Variants in BSN observed in about 807,000 individuals in gnomAD.
BSN encodes protein bassoon.
A neutral mutation model predicts 264.8 loss-of-function variants in BSN; 57 were observed. That is an observed-to-expected ratio of 0.22 (90% CI 0.17 to 0.27). The LOEUF (loss-of-function observed/expected upper bound fraction) is 0.27. Ranked by LOEUF, BSN falls within the 10% of genes least tolerant of loss-of-function variation. The pLI is 1.00. For missense variants in BSN, 4,615 were observed against 5,232.5 expected (o/e 0.88, Z 3.64); for synonymous variants, 2,059 against 2,137.3 (o/e 0.96, Z 1.01).
At chr3:49,572,502 A>G (rs934958549) in intron 1 of BSN, among the ~76,000 whole-genome samples, 1 of 152,190 alleles carries the variant, frequency 6.6e-6, no homozygotes, top group African/African-American at 2.4e-5. Context: ...TTGGACAAGA[A>G]TGAGGAATCA....
chr3:49,648,598 C>T (rs905995788), intron 3 of BSN, among the ~76,000 whole-genome samples: 1 of 152,242 alleles, frequency 6.6e-6, no homozygotes, highest in Admixed American at 6.5e-5. Context: ...GGATCAGGCT[C>T]TGTGCTCTCC....
intron 3 of BSN, among the ~76,000 whole-genome samples, chr3:49,645,550 C>A (rs1399387612): frequency 6.6e-6 from 1 of 152,228 alleles, no homozygotes; most frequent in East Asian, 1.9e-4. Flanking sequence ...CGTCCTTATC[C>A]TCCCTTACCC....
chr3:49,598,602 G>A (rs1335799065), intron 1 of BSN, among the ~76,000 whole-genome samples: 1 of 151,954 alleles, frequency 6.6e-6, no homozygotes, highest in East Asian at 1.9e-4. Flanking sequence ...TGGCCTTTTT[G>A]TAAATTCTAG....
intron 1 of BSN, among the ~76,000 whole-genome samples, chr3:49,561,944 A>AT (rs2051714507): frequency 6.6e-6 from 1 of 151,992 alleles, no homozygotes; most frequent in Non-Finnish European, 1.5e-5. Context: ...AGTAGCTGGG[A>AT]TTACAAGTGT....
In BSN at chr3:49,554,713, T is replaced by C. The variant is rs558086035; in HGVS notation, c.111T>C (p.Pro37=). The stretch of plus-strand genomic sequence containing the variant: ...CCGGCCCCGGCGCAGGAAAGCCGCC[T>C]TCAGCACCGGCCGGTGGCGGACAGC... ...PGPGPGAGKP[P]SAPAGGGQLP... is the part of the protein sequence containing the mutation. Residue 37 remains proline, a synonymous_variant, in exon 1 of 12, where the codon CCT becomes CCC. Coordinates refer to ENST00000296452, the MANE Select transcript of BSN (RefSeq NM_003458.4). 1.7e-4 allele frequency: 207 copies of C among 1,195,412 alleles called. 4 individuals are homozygous for C. In the East Asian group the frequency reaches 7.5e-3, roughly 43 times the overall value. The allele number at this position is 1,195,412 out of a possible 1,614,324, so 74.1% of individuals were successfully genotyped here.
At chr3:49,650,435 A>G (rs1575447261) in intron 3 of BSN, among the ~76,000 whole-genome samples, 177 bp from the exon 4 acceptor site, 1 of 152,178 alleles carries the variant, frequency 6.6e-6, no homozygotes, top group African/African-American at 2.4e-5. Flanking sequence ...TCTTAAAGGT[A>G]GGGGAATTTG....
At position 49,580,162 on chromosome 3, in the gene BSN, A is replaced by G. The variant is rs552416371; in HGVS notation, c.224+25336A>G. On this transcript the variant is annotated intron_variant, in intron 1 of 11. Transcript: ENST00000296452. ...GGTCTCATTATGTTCCTGAGGCTAG[A>G]TTCAAACTCCTGGGCTCAAGTGATC... Among the ~76,000 whole-genome samples the G allele has an allele frequency of 1.4e-4, 22 of 152,170 alleles. No individual in the cohort carries two copies. In the South Asian group the frequency reaches 4.4e-3, roughly 30 times the overall value.
At chr3:49,568,265 A>G (rs1042515085) in intron 1 of BSN, among the ~76,000 whole-genome samples, 1 of 152,252 alleles carries the variant, frequency 6.6e-6, no homozygotes, top group Non-Finnish European at 1.5e-5. Context: ...GAGGAACTGC[A>G]AAGACACATG....
chr3:49,657,203 C>A lies in BSN; in HGVS notation c.7647C>A (p.Ser2549Arg). Reference protein sequence around the residue: ...SLQTEEQWEASRSGIKKRHSM... With the variant: ...SLQTEEQWEARRSGIKKRHSM... ...AAACGGAGGAGCAGTGGGAGGCCAG[C>A]CGTAGTGGCATCAAGAAGCGGCACT... The change falls in exon 5 of 12, where the codon AGC (serine) becomes AGA (arginine). Residue 2549 changes from serine (S) to arginine (R), a missense_variant. Ser to Arg is a moderately radical substitution (Grantham distance 110, BLOSUM62 -1). Transcript: ENST00000296452. 1 of 1,613,382 alleles carries A rather than the reference C, an allele frequency of 6.2e-7. No homozygotes were observed.
intron 3 of BSN, 70 bp from the exon 4 acceptor site, chr3:49,650,542 A>G: frequency 7.3e-7 from 1 of 1,377,628 alleles, no homozygotes; most frequent in Non-Finnish European, 1.0e-6. Context: ...AGAAATAGTT[A>G]TGGAAATATT....
Position 49,641,023 on chromosome 3 carries a change from G to T in BSN, c.634-1245G>T, listed in dbSNP as rs144760512. 8.7e-4 allele frequency among the ~76,000 whole-genome samples: 133 copies of T among 152,240 alleles called. 3 individuals carry two copies. The East Asian group carries it at 0.022, about 25-fold the overall frequency. On this transcript the variant is annotated intron_variant, in intron 2 of 11. Coordinates refer to ENST00000296452, the MANE Select transcript of BSN (RefSeq NM_003458.4). ...ATGGCAGGAAAAGAGACCAGAGAGA[G>T]GGGGAGGCTGGGGTGGGGCTGGGTT...
At chr3:49,608,830 G>GAA (rs952792335) in intron 1 of BSN, among the ~76,000 whole-genome samples, 1 of 149,068 alleles carries the variant, frequency 6.7e-6, no homozygotes, top group Non-Finnish European at 1.5e-5. Flanking sequence ...TCCGTCTCGG[G>GAA]AAAAAAAAAA....
intron 1 of BSN, among the ~76,000 whole-genome samples, chr3:49,596,163 G>C (rs1424584686): frequency 6.6e-6 from 1 of 152,134 alleles, no homozygotes; most frequent in African/African-American, 2.4e-5. Context: ...TCAGCATTTT[G>C]GGAGGCCGAG....
intron 1 of BSN, among the ~76,000 whole-genome samples, chr3:49,584,285 A>AT (rs34680713): frequency 0.82 from 122,754 of 149,206 alleles, 50,627 homozygotes; most frequent in East Asian, 0.99. Context: ...AGGCTTATTG[A>AT]TTTTTTTTTT....
rs780064311 is a variant in BSN, at chr3:49,656,960, G to A, written c.7404G>A (p.Glu2468=). 5 of 1,606,392 alleles carry A rather than the reference G, an allele frequency of 3.1e-6. No homozygotes were observed. Among genetic ancestry groups the A allele is most frequent in the Non-Finnish European group, 3.4e-6 (4 of 1,175,820 alleles). ...AGCAGCTGCAGCAGCAGCTAGAGGA[G>A]CAGAAGCAGCGGCAGAAGGCTCCCT... ...LQQQLQQQLE[E]QKQRQKAPFP... Residue 2468 remains glutamate (E), a synonymous_variant, in exon 5 of 12, where the codon GAG becomes GAA. Transcript: ENST00000296452.
rs1266373148 is a variant in BSN, at chr3:49,554,814, C to T, written c.212C>T (p.Pro71Leu). ...CCCGGCCCCGGCCCCGGTCCCGGCCCTGGCCCGGGCAGGTAAGCGCGTGTC... is the reference window on the plus strand; with the variant it reads ...CCCGGCCCCGGCCCCGGTCCCGGCCTTGGCCCGGGCAGGTAAGCGCGTGTC... ...PGPGPGPGPG[P>L]GPGSTSRRLD... Residue 71 changes from proline to leucine, a missense_variant, in exon 1 of 12, where the codon CCT becomes CTT. Transcript: ENST00000296452. The T allele has an allele frequency of 1.6e-6, 2 of 1,222,640 alleles. No individual in the cohort carries two copies. The highest frequency in any genetic ancestry group is 2.0e-6 in the Non-Finnish European group (2 of 982,004). The allele number at this position is 1,222,640 out of a possible 1,614,324, so 75.7% of individuals were successfully genotyped here.
chr3:49,642,940 A>G lies in BSN; in HGVS notation c.1306A>G (p.Thr436Ala). 5.0e-6 allele frequency: 8 copies of G among 1,614,072 alleles called. No individual in the cohort carries two copies. Among genetic ancestry groups the G allele is most frequent in the Non-Finnish European group, 6.8e-6 (8 of 1,180,024 alleles). The change falls in exon 3 of 12, where the codon ACC becomes GCC. Residue 436 changes from threonine (T) to alanine (A), a missense_variant. Thr to Ala is a moderately conservative substitution (Grantham distance 58). Transcript: ENST00000296452. This position sits in a 1 kb window ranked among gnomAD's most constrained non-coding sequence, Gnocchi z 7.0. The part of the protein sequence containing the change: ...PGALPKTGGT[T>A]SPKHGRAEHQ... The stretch of plus-strand genomic sequence containing the variant: ...AGCCCTGCCGAAAACTGGGGGAACA[A>G]CCAGTCCAAAGCATGGCAGAGCAGA...
chr3:49,588,293 A>G lies in BSN; in HGVS notation c.224+33467A>G, dbSNP rs534965990. On this transcript the variant is annotated intron_variant, in intron 1 of 11. Coordinates refer to ENST00000296452, the MANE Select transcript of BSN (RefSeq NM_003458.4). ...CTTAGGTTCCCTTCCTCCAGACCCT[A>G]TTCTCCTGCCTCACTATGTTGAATA... Among the ~76,000 whole-genome samples, 9 of 152,154 alleles carry G rather than the reference A, an allele frequency of 5.9e-5. No homozygotes were observed. In the South Asian group the frequency reaches 8.3e-4, roughly 14 times the overall value.
chr3:49,645,320 G>A (rs2108074950), intron 3 of BSN, among the ~76,000 whole-genome samples: 1 of 152,312 alleles, frequency 6.6e-6, no homozygotes, highest in South Asian at 2.1e-4. Flanking sequence ...TTCTAGGGAA[G>A]GTGTGGATAG....
Sources: gnomAD v4.1 joint callset for allele counts (sites outside exome capture counted in the v4.1 genomes callset) on GRCh38, gnomAD v4.1.1 for gene constraint, Gnocchi (gnomAD v3.1) non-coding constraint, MANE v1.5 for transcripts, NCBI Gene and HGNC (gene_info 2026-07-23, HGNC 2026-07-21) for gene names.